Variants in SGIP1 observed in about 807,000 individuals in gnomAD.
SGIP1 encodes the protein SH3-containing GRB2-like protein 3-interacting protein 1.
In SGIP1, 38 loss-of-function variants were observed where a neutral mutation model predicts 107.5. The observed-to-expected ratio is 0.35, with a 90% CI of 0.27 to 0.46. The LOEUF is 0.46. Ranked by LOEUF, SGIP1 falls within the 20% of genes least tolerant of loss-of-function variation. The pLI is 1.00. For missense variants in SGIP1, 929 were observed against 1,019.5 expected, an observed-to-expected ratio of 0.91 and a Z score of 1.21; for synonymous variants, 365 against 366.1, an observed-to-expected ratio of 1.00 and a Z score of 0.03.
At chr1:66,563,243 G>T (rs571345841) in intron 1 of SGIP1, among the ~76,000 whole-genome samples, 7 of 151,932 alleles carry the variant, frequency 4.6e-5, no homozygotes, top group Non-Finnish European at 8.8e-5. Context: ...TCTCAGGGCC[G>T]GCACGGGAGG....
At chr1:66,649,834 A>T (rs958770783) in intron 7 of SGIP1, among the ~76,000 whole-genome samples, 1 of 152,194 alleles carries the variant, frequency 6.6e-6, no homozygotes, top group Non-Finnish European at 1.5e-5. Flanking sequence ...GGAAAAAGAA[A>T]TGACACTTAC....
intron 1 of SGIP1, among the ~76,000 whole-genome samples, chr1:66,604,454 T>A (rs969853003): frequency 1.3e-5 from 2 of 152,098 alleles, no homozygotes; most frequent in African/African-American, 2.4e-5. Context: ...AGAGTCAAAA[T>A]GGACAATTTA....
At chr1:66,537,118 G>C (rs552703567) in intron 1 of SGIP1, among the ~76,000 whole-genome samples, 1 of 152,118 alleles carries the variant, frequency 6.6e-6, no homozygotes, top group East Asian at 1.9e-4. Context: ...AATTCCCCAG[G>C]GACCACAAGC....
intron 1 of SGIP1, among the ~76,000 whole-genome samples, chr1:66,591,366 A>T (rs1172516991): frequency 6.6e-6 from 1 of 152,224 alleles, no homozygotes; most frequent in African/African-American, 2.4e-5. Flanking sequence ...TAGGTGATGA[A>T]CACAGATTCT....
At chr1:66,589,161 T>G (rs1235727018) in intron 1 of SGIP1, among the ~76,000 whole-genome samples, 1 of 76,642 alleles carries the variant, frequency 1.3e-5, no homozygotes, top group Non-Finnish European at 2.6e-5. Flanking sequence ...GATAAAAGTT[T>G]ACATATATAT....
intron 1 of SGIP1, among the ~76,000 whole-genome samples, chr1:66,594,694 G>C (rs1198033063): frequency 6.6e-6 from 1 of 152,106 alleles, no homozygotes; most frequent in South Asian, 2.1e-4. Flanking sequence ...AGGAAGAAAA[G>C]GCCAAGGAGA....
chr1:66,684,573 T>C (rs1312972248), intron 15 of SGIP1, among the ~76,000 whole-genome samples: 1 of 152,172 alleles, frequency 6.6e-6, no homozygotes, highest in Non-Finnish European at 1.5e-5. Flanking sequence ...AGACTCTCAG[T>C]CTCCTAAAAG....
At chr1:66,679,382 AC>A (rs2086146297) in intron 13 of SGIP1, among the ~76,000 whole-genome samples, 1 of 152,190 alleles carries the variant, frequency 6.6e-6, no homozygotes, top group Non-Finnish European at 1.5e-5. Context: ...AGGAGGTAGG[AC>A]GTAGTTGCTG....
At chr1:66,648,765 G>T (rs541119958) in intron 7 of SGIP1, among the ~76,000 whole-genome samples, 4 of 152,174 alleles carry the variant, frequency 2.6e-5, no homozygotes, top group Admixed American at 2.0e-4. Context: ...AGAATTTTGG[G>T]TTAATCACAA....
rs949880615 is a variant in SGIP1, at chr1:66,748,827, C to G, written c.*5732C>G. Among the ~76,000 whole-genome samples the G allele has an allele frequency of 2.0e-5, 3 of 151,942 alleles. No individual in the cohort carries two copies. The highest frequency in any genetic ancestry group is 6.6e-5 in the Admixed American group (1 of 15,258). On this transcript the variant is annotated 3_prime_UTR_variant, in exon 25 of 25. Transcript: ENST00000371037. Reference sequence around the variant, plus strand: ...AAATGGTCCTATACTATAATTCTCTCTCCTTGGACATTGACAATAAATGTT... The same window carrying G: ...AAATGGTCCTATACTATAATTCTCTGTCCTTGGACATTGACAATAAATGTT...
chr1:66,658,994 G>C (rs1213446913), intron 7 of SGIP1, among the ~76,000 whole-genome samples: 1 of 152,166 alleles, frequency 6.6e-6, no homozygotes, highest in Admixed American at 6.5e-5. Flanking sequence ...ACATCCAAGA[G>C]AGCCAGGAGA....
chr1:66,602,918 CAATT>C (rs2066142504), intron 1 of SGIP1, among the ~76,000 whole-genome samples: 1 of 152,130 alleles, frequency 6.6e-6, no homozygotes, highest in South Asian at 2.1e-4. Flanking sequence ...ATTAAGCCCT[CAATT>C]AAAACTTTGG....
chr1:66,588,434 C>CAGTAGGAAGAAAAGTAGGAAGA (rs1557986445), intron 1 of SGIP1, among the ~76,000 whole-genome samples: 1 of 152,062 alleles, frequency 6.6e-6, no homozygotes, highest in East Asian at 1.9e-4. Flanking sequence ...AAAAGTAGAG[C>CAGTAGGAAGAAAAGTAGGAAGA]AAAGTGTTTC....
intron 8 of SGIP1, among the ~76,000 whole-genome samples, chr1:66,663,069 T>TAA (rs35240202): frequency 4.0e-5 from 6 of 148,602 alleles, no homozygotes; most frequent in Admixed American, 1.3e-4. Flanking sequence ...CATTTCAAAT[T>TAA]AAAAAAAAAA....
chr1:66,535,520 A>G (rs959585894), intron 1 of SGIP1, among the ~76,000 whole-genome samples: 15 of 152,234 alleles, frequency 9.9e-5, no homozygotes, highest in African/African-American at 3.4e-4. Context: ...TTTGGCAGAA[A>G]TGAATTCTTT....
chr1:66,582,354 A>G (rs941906770), intron 1 of SGIP1, among the ~76,000 whole-genome samples: 2 of 152,106 alleles, frequency 1.3e-5, no homozygotes, highest in Admixed American at 6.6e-5. Context: ...GAATGAAGGT[A>G]GAAGAACCTT....
chr1:66,684,755 A>G (rs1189998103), intron 15 of SGIP1, among the ~76,000 whole-genome samples: 1 of 152,216 alleles, frequency 6.6e-6, no homozygotes, highest in South Asian at 2.1e-4. Flanking sequence ...TTTACCACTG[A>G]TCTAATTAGG....
At chr1:66,660,205 AAGAAAG>A (rs1557505471) in intron 7 of SGIP1, 5 of 208,534 alleles carry the variant, frequency 2.4e-5, no homozygotes, top group South Asian at 2.4e-4. Flanking sequence ...GAAAGAAAGA[AAGAAAG>A]AAAGAGAAAG....
Position 66,743,176 on chromosome 1 carries a change from G to C in SGIP1, c.*81G>C. On this transcript the variant is annotated 3_prime_UTR_variant, in exon 25 of 25. Transcript: ENST00000371037. ...AAACAGATTTTAATTTTGGTTTGAT[G>C]AAAACAAACCAATATCTGCACTTGG... is the stretch of plus-strand genomic sequence containing the variant. The C allele has an allele frequency of 1.4e-6, 2 of 1,461,692 alleles. No individual in the cohort carries two copies. Among genetic ancestry groups the C allele is most frequent in the Non-Finnish European group, 1.9e-6 (2 of 1,049,972 alleles). 90.5% of individuals were successfully genotyped at this position (1,461,692 alleles called of 1,614,324 possible). A position where few individuals can be genotyped will look rare whatever the true frequency, so the allele number is the denominator to read the frequency against.
Sources: gnomAD v4.1 joint callset for allele counts (sites outside exome capture counted in the v4.1 genomes callset) on GRCh38, gnomAD v4.1.1 for gene constraint, MANE v1.5 for transcripts, NCBI Gene and HGNC (gene_info 2026-07-23, HGNC 2026-07-21) for gene names.